Variants in GALNT13 observed in about 807,000 individuals in gnomAD.
GALNT13 encodes the protein UDP-GalNAc:polypeptide N-acetylgalactosaminyltransferase 13.
In GALNT13, 28 loss-of-function variants were observed where a neutral mutation model predicts 64.2. The ratio of observed to expected loss-of-function variants is 0.44; its 90% confidence interval spans 0.32 to 0.60. The LOEUF is 0.60. GALNT13 is among the 20% of genes least tolerant of loss of function. GALNT13 has a pLI of 0.05. For missense variants in GALNT13, 577 were observed against 669.8 expected (o/e 0.86, Z 1.53); for synonymous variants, 214 against 224.6 (o/e 0.95, Z 0.42).
chr2:154,441,431 C>A (rs1316723013), intron 12 of GALNT13, among the ~76,000 whole-genome samples: 2 of 152,040 alleles, frequency 1.3e-5, no homozygotes, highest in Admixed American at 6.6e-5. Flanking sequence ...TGAAAAATCT[C>A]TGAGGTGGTG....
At chr2:153,261,972 G>A in the GALNT13 span, among the ~76,000 whole-genome samples, 6 of 152,216 alleles carry the variant, frequency 3.9e-5, no homozygotes, top group Middle Eastern at 3.4e-3. Context: ...GCTCCCCTTT[G>A]GCTTAGGGAC....
chr2:154,386,137 A>C (rs1698503457), intron 9 of GALNT13, among the ~76,000 whole-genome samples: 1 of 151,988 alleles, frequency 6.6e-6, no homozygotes, highest in African/African-American at 2.4e-5. Context: ...TGCTGCACAG[A>C]AATTCAATCA....
rs943383086 is a variant in GALNT13 at position 154,444,639 on chromosome 2, A to G, written c.1531-5772A>G. Among the ~76,000 whole-genome samples the G allele has an allele frequency of 9.2e-5, 14 of 152,194 alleles. No individual in the cohort carries two copies. The South Asian group carries it at 1.7e-3, about 18-fold the overall frequency. ...AAGTGTTCATGTATTTGACCTTGCA[A>G]TTTCACTTCTAAGAATCATTTCCAA... is the stretch of plus-strand genomic sequence containing the variant. On this transcript the variant is annotated intron_variant, in intron 12 of 12. Transcript: ENST00000392825.
At chr2:153,574,226 G>A in the GALNT13 span, among the ~76,000 whole-genome samples, 2 of 151,262 alleles carry the variant, frequency 1.3e-5, no homozygotes, top group Non-Finnish European at 2.9e-5. Context: ...CAGAGGTATT[G>A]GAAATCCGTT....
chr2:153,840,231 C>T, the GALNT13 span, among the ~76,000 whole-genome samples: 1 of 152,102 alleles, frequency 6.6e-6, no homozygotes, highest in African/African-American at 2.4e-5. Context: ...TTTTGAAACA[C>T]TGCTTTTCCC....
At chr2:153,786,656 C>T in the GALNT13 span, among the ~76,000 whole-genome samples, 2 of 152,074 alleles carry the variant, frequency 1.3e-5, no homozygotes, top group Non-Finnish European at 2.9e-5. Flanking sequence ...GGGCCCCAAG[C>T]TCATGCCAGC....
the GALNT13 span, among the ~76,000 whole-genome samples, chr2:153,830,595 T>A: frequency 6.6e-6 from 1 of 152,132 alleles, no homozygotes; most frequent in South Asian, 2.1e-4. Flanking sequence ...AGGCTTAATT[T>A]TTATATGTTC....
chr2:153,862,035 A>G, the GALNT13 span, among the ~76,000 whole-genome samples: 1 of 152,168 alleles, frequency 6.6e-6, no homozygotes, highest in African/African-American at 2.4e-5. Flanking sequence ...AAGATAATAT[A>G]ACAACATATG....
intron 3 of GALNT13, among the ~76,000 whole-genome samples, chr2:154,136,829 T>G (rs1348218735): frequency 7.2e-5 from 11 of 152,162 alleles, no homozygotes; most frequent in Non-Finnish European, 1.5e-4. Context: ...ACGCCAGCTT[T>G]GGTATTTGAA....
intron 9 of GALNT13, among the ~76,000 whole-genome samples, chr2:154,354,631 G>C (rs1231421666): frequency 7.0e-6 from 1 of 142,032 alleles, no homozygotes. Context: ...TTTTTTTTTT[G>C]AATGTGGAAA....
In GALNT13 at chr2:154,104,496, A is replaced by T. The variant is rs552452727; in HGVS notation, c.143-35841A>T. 1.1e-4 allele frequency among the ~76,000 whole-genome samples: 17 copies of T among 152,308 alleles called. 1 individual carries two copies. In the South Asian group the frequency reaches 2.1e-3, roughly 19 times the overall value. On this transcript the variant is annotated intron_variant, in intron 3 of 12. Transcript: ENST00000392825. Reference sequence around the variant, plus strand: ...AGAGGGAAAAACCTTGGCTACATCCATAGCATGGACAGGGGAAGAGGGGGT... The same window carrying T: ...AGAGGGAAAAACCTTGGCTACATCCTTAGCATGGACAGGGGAAGAGGGGGT...
chr2:154,057,715 T>C (rs192732227), intron 3 of GALNT13, among the ~76,000 whole-genome samples: 42 of 152,312 alleles, frequency 2.8e-4, no homozygotes, highest in Non-Finnish European at 2.8e-4. Flanking sequence ...ACATGTGAAA[T>C]GTCTGTATAG....
At chr2:153,569,097 T>C in the GALNT13 span, among the ~76,000 whole-genome samples, 1 of 152,124 alleles carries the variant, frequency 6.6e-6, no homozygotes, top group Non-Finnish European at 1.5e-5. Flanking sequence ...TTAGAAAACA[T>C]AGGTTTTTTT....
the GALNT13 span, among the ~76,000 whole-genome samples, chr2:153,574,234 G>A: frequency 4.6e-5 from 7 of 151,122 alleles, no homozygotes; most frequent in East Asian, 3.9e-4. Flanking sequence ...TTGGAAATCC[G>A]TTATATGTTA....
At chr2:153,854,588 AC>A in the GALNT13 span, among the ~76,000 whole-genome samples, 1 of 152,006 alleles carries the variant, frequency 6.6e-6, no homozygotes, top group Non-Finnish European at 1.5e-5. Context: ...CCTCAAAAAA[AC>A]CCCAAAAATT....
At chr2:153,552,437 C>T in the GALNT13 span, among the ~76,000 whole-genome samples, 2 of 152,186 alleles carry the variant, frequency 1.3e-5, no homozygotes, top group African/African-American at 4.8e-5. Flanking sequence ...ATCAAATGCA[C>T]AATGTGGACA....
intron 3 of GALNT13, among the ~76,000 whole-genome samples, chr2:153,979,479 T>TAC (rs1694307568): frequency 2.0e-5 from 3 of 152,160 alleles, no homozygotes; most frequent in African/African-American, 7.2e-5. Flanking sequence ...GATTATGGTC[T>TAC]TTGAGAAACT....
At chr2:153,681,984 T>C in the GALNT13 span, among the ~76,000 whole-genome samples, 7 of 151,752 alleles carry the variant, frequency 4.6e-5, no homozygotes. Flanking sequence ...CAAGCATAGA[T>C]GGTGTGAATC....
chr2:153,682,787 A>G, the GALNT13 span, among the ~76,000 whole-genome samples: 1 of 151,772 alleles, frequency 6.6e-6, no homozygotes, highest in Non-Finnish European at 1.5e-5. Context: ...GTCCTAACAC[A>G]TACACCTAAC....
Sources: gnomAD v4.1 joint callset for allele counts (sites outside exome capture counted in the v4.1 genomes callset) on GRCh38, gnomAD v4.1.1 for gene constraint, MANE v1.5 for transcripts, NCBI Gene and HGNC (gene_info 2026-07-23, HGNC 2026-07-21) for gene names.